Variants in FAT3 observed in about 807,000 individuals in gnomAD.
The protein encoded by FAT3 is protocadherin Fat 3.
Under a neutral mutation model 310.2 loss-of-function variants are expected in FAT3, and 95 were observed. That is an observed-to-expected ratio of 0.31 (90% CI 0.26 to 0.36). The LOEUF is 0.36. Among genes scored for constraint, FAT3 ranks in the 10% least tolerant of loss-of-function variants. FAT3 has a pLI of 1.00. For synonymous variants in FAT3, 2,314 were observed against 2,192.9 expected (o/e 1.06, Z -1.54); for missense variants, 5,408 against 5,715.6 (o/e 0.95, Z 1.74).
chr11:92,626,484 TCCC>T, intron 3 of FAT3, among the ~76,000 whole-genome samples: 1 of 149,960 alleles, frequency 6.7e-6, no homozygotes, highest in Non-Finnish European at 1.5e-5. Context: ...TTTTTTTTTT[TCCC>T]TTCAAAAAAT....
rs1165189003 is a variant in FAT3, at chr11:92,284,956, G to A, written c.-18+59782G>A. Among the ~76,000 whole-genome samples the A allele has an allele frequency of 3.9e-5, 6 of 152,172 alleles. No individual in the cohort carries two copies. In the East Asian group the frequency reaches 1.2e-3, roughly 29 times the overall value. ...AGAAACAGGAGTTTTCGTCTAGATT[G>A]AAGTTAGATGCTCATAGCTCATGGG... On this transcript the variant is annotated intron_variant, in intron 1 of 27. Transcript: ENST00000525166.
rs1949958248 is a variant in FAT3, at chr11:92,893,380, G to GA, written c.*2274dup. The GA allele has an allele frequency of 6.6e-6, 1 of 152,036 alleles. No homozygotes were observed. Among genetic ancestry groups the GA allele is most frequent in the African/African-American group, 2.4e-5 (1 of 41,404 alleles). The allele number at this position is 152,036 out of a possible 1,614,324, so 9.4% of individuals were successfully genotyped here. On this transcript the variant is annotated 3_prime_UTR_variant, in exon 28 of 28. Coordinates refer to ENST00000525166, the MANE Select transcript of FAT3 (RefSeq NM_001367949.2). Reference sequence around the variant, plus strand: ...AAGAAGCACATTTGCAAGAATCATGGAAAAAAATGACAAACTAATGGCCTA... The same window carrying GA: ...AAGAAGCACATTTGCAAGAATCATGGAAAAAAAATGACAAACTAATGGCCTA...
In FAT3 at chr11:92,806,388, A is replaced by G; in HGVS notation, c.9120A>G (p.Glu3040=). 1 of 1,600,110 alleles carries G rather than the reference A, an allele frequency of 6.2e-7. No individual in the cohort carries two copies. Among genetic ancestry groups the G allele is most frequent in the Non-Finnish European group, 8.5e-7 (1 of 1,172,478 alleles). The change falls in exon 12 of 28, where the codon GAA becomes GAG. Residue 3040 remains glutamate (E), a synonymous_variant. Transcript: ENST00000525166. ...TTGCATATACAGCATTACTTCCTGA[A>G]GACATTCCATCAAATAAAATCATCC... is the stretch of plus-strand genomic sequence containing the variant. ...DQVAYTALLP[E]DIPSNKIILK...
intron 4 of FAT3, among the ~76,000 whole-genome samples, chr11:92,755,103 C>T (rs1199960651): frequency 6.6e-6 from 1 of 152,046 alleles, no homozygotes; most frequent in Admixed American, 6.6e-5. Context: ...TCAAAGGATA[C>T]GAAATTTCAG....
intron 4 of FAT3, among the ~76,000 whole-genome samples, chr11:92,731,700 G>GA (rs1432720456): frequency 1.7e-5 from 2 of 115,146 alleles, no homozygotes; most frequent in East Asian, 4.1e-4. Context: ...TCATTCTCTT[G>GA]GGAAAAAAAA....
chr11:92,781,429 A>G (rs537648737), intron 7 of FAT3, among the ~76,000 whole-genome samples: 58 of 152,140 alleles, frequency 3.8e-4, no homozygotes, highest in African/African-American at 1.3e-3. Context: ...TGTTATCATT[A>G]CACTCATTTC....
chr11:92,475,297 C>T (rs1405141130), intron 2 of FAT3, among the ~76,000 whole-genome samples: 1 of 152,050 alleles, frequency 6.6e-6, no homozygotes, highest in Non-Finnish European at 1.5e-5. Context: ...TTCTTATCTC[C>T]TGGCAGAGAA....
At chr11:92,270,698 A>G (rs996723252) in intron 1 of FAT3, among the ~76,000 whole-genome samples, 19 of 152,026 alleles carry the variant, frequency 1.2e-4, no homozygotes, top group Non-Finnish European at 2.5e-4. Flanking sequence ...ATAAATAAAT[A>G]AATAAATAAA....
intron 2 of FAT3, among the ~76,000 whole-genome samples, chr11:92,377,902 C>T (rs578006219): frequency 6.6e-6 from 1 of 152,282 alleles, no homozygotes; most frequent in Non-Finnish European, 1.5e-5. Flanking sequence ...TCAGCTTTAC[C>T]TCCGAGTACA....
At chr11:92,471,477 A>T (rs1255295034) in intron 2 of FAT3, among the ~76,000 whole-genome samples, 1 of 152,150 alleles carries the variant, frequency 6.6e-6, no homozygotes, top group Non-Finnish European at 1.5e-5. Flanking sequence ...GTAATCAGGG[A>T]GACAAATTAA....
chr11:92,772,754 C>T (rs951003519), intron 6 of FAT3, among the ~76,000 whole-genome samples: 1 of 151,960 alleles, frequency 6.6e-6, no homozygotes, highest in African/African-American at 2.4e-5. Flanking sequence ...CAGCTGCAAG[C>T]AATAAGTATT....
intron 7 of FAT3, among the ~76,000 whole-genome samples, chr11:92,782,644 A>G (rs535270102): frequency 6.6e-6 from 1 of 152,362 alleles, no homozygotes; most frequent in African/African-American, 2.4e-5. Flanking sequence ...TGAGATTAAA[A>G]AGCTCTTTCA....
intron 2 of FAT3, among the ~76,000 whole-genome samples, chr11:92,412,754 T>TATATATAC (rs1565296585): frequency 1.3e-4 from 12 of 94,950 alleles, no homozygotes; most frequent in Non-Finnish European, 2.0e-4. Flanking sequence ...TAAATATACA[T>TATATATAC]ACATATATAT....
chr11:92,531,218 G>A (rs1954059346), intron 3 of FAT3, among the ~76,000 whole-genome samples: 1 of 152,194 alleles, frequency 6.6e-6, no homozygotes, highest in African/African-American at 2.4e-5. Flanking sequence ...AATCCAACAA[G>A]TCCAGTAGAA....
chr11:92,564,719 A>T (rs1214140108), intron 3 of FAT3, among the ~76,000 whole-genome samples: 1 of 151,946 alleles, frequency 6.6e-6, no homozygotes, highest in Non-Finnish European at 1.5e-5. Flanking sequence ...ACTAGAACTC[A>T]GGATTAAGGA....
intron 2 of FAT3, among the ~76,000 whole-genome samples, chr11:92,428,871 G>A (rs1950700023): frequency 6.6e-6 from 1 of 152,208 alleles, no homozygotes; most frequent in Non-Finnish European, 1.5e-5. Context: ...TCGGGGTGGA[G>A]AGTTCTGCAG....
Position 92,792,909 on chromosome 11 carries a change from T to C in FAT3, c.4754T>C (p.Val1585Ala). 6.2e-7 allele frequency: 1 copy of C among 1,613,836 alleles called. No individual in the cohort carries two copies. Among genetic ancestry groups the C allele is most frequent in the East Asian group, 2.2e-5 (1 of 44,848 alleles). ...GAATCTGCTGCTCTGGGATCAGCTG[T>C]TCTGCAAGTGACGGCTCTGGACAAA... Reference protein sequence around the residue: ...VFESAALGSAVLQVTALDKDK... With the variant: ...VFESAALGSAALQVTALDKDK... Residue 1585 changes from valine (V) to alanine (A), a missense_variant, in exon 9 of 28, where the codon GTT (valine) becomes GCT (alanine). Val to Ala is a moderately conservative substitution (Grantham distance 64). Transcript: ENST00000525166.
intron 2 of FAT3, among the ~76,000 whole-genome samples, chr11:92,398,252 G>A (rs1040418642): frequency 6.6e-6 from 1 of 152,058 alleles, no homozygotes; most frequent in Non-Finnish European, 1.5e-5. Context: ...TGTAATCCAA[G>A]CACTTTGGGA....
intron 7 of FAT3, among the ~76,000 whole-genome samples, chr11:92,781,064 T>C (rs1213892784): frequency 7.0e-6 from 1 of 143,552 alleles, no homozygotes; most frequent in Non-Finnish European, 1.5e-5. Flanking sequence ...CTTTTTTTTC[T>C]TTTCTTTATT....
Sources: gnomAD v4.1 joint callset for allele counts (sites outside exome capture counted in the v4.1 genomes callset) on GRCh38, gnomAD v4.1.1 for gene constraint, MANE v1.5 for transcripts, NCBI Gene and HGNC (gene_info 2026-07-23, HGNC 2026-07-21) for gene names.